CCDC144A: variants seen among roughly 807,000 people sequenced by gnomAD.
CCDC144A encodes coiled-coil domain containing 144A, also known as coiled-coil domain-containing protein 144A.
Under a neutral mutation model 143.8 loss-of-function variants are expected in CCDC144A, and 41 were observed. The ratio of observed to expected loss-of-function variants is 0.29; its 90% CI spans 0.22 to 0.37. CCDC144A has a LOEUF of 0.37. Among genes scored for constraint, CCDC144A ranks in the 10% least tolerant of loss-of-function variants. The pLI, the probability that CCDC144A is intolerant of heterozygous loss-of-function variation, is 1.00. For missense variants in CCDC144A, 637 were observed against 1,488.8 expected (o/e 0.43, Z 9.41); for synonymous variants, 242 against 517.9 (o/e 0.47, Z 7.23).
In CCDC144A at chr17:16,709,011, G is replaced by T. The variant is rs770463419; in HGVS notation, c.954G>T (p.Glu318Asp). The T allele has an allele frequency of 1.9e-6, 3 of 1,611,670 alleles. No homozygotes were observed. The highest frequency in any genetic ancestry group is 1.1e-5 in the South Asian group (1 of 90,976). ...KYKIPACPEEEPLLDNSTRGT... is the reference protein window; with the variant it reads ...KYKIPACPEEDPLLDNSTRGT... ...AAATTCCGGCTTGTCCTGAGGAAGA[G>T]CCACTACTTGATAACTCTACAAGAG... The change falls in exon 5 of 17, where the codon GAG (glutamate) becomes GAT (aspartate). Residue 318 changes from glutamate to aspartate, a missense_variant. Coordinates refer to ENST00000399273, the MANE Select transcript of CCDC144A (RefSeq NM_001382000.1).
intron 12 of CCDC144A, among the ~76,000 whole-genome samples, chr17:16,736,316 T>C (rs1914000127): frequency 6.6e-6 from 1 of 151,288 alleles, no homozygotes; most frequent in Non-Finnish European, 1.5e-5. Flanking sequence ...TTTGCCATGT[T>C]GGCAAGGCTG....
the CCDC144A span, among the ~76,000 whole-genome samples, chr17:16,673,504 A>G: frequency 6.6e-6 from 1 of 151,186 alleles, no homozygotes; most frequent in East Asian, 1.9e-4. Flanking sequence ...CTCCTGCCTC[A>G]GCATCCCGAG....
chr17:16,699,771 T>C (rs369436584), intron 2 of CCDC144A, among the ~76,000 whole-genome samples: 1 of 151,488 alleles, frequency 6.6e-6, no homozygotes, highest in East Asian at 1.9e-4. Flanking sequence ...GTAGAATATA[T>C]TGTCAGTCAT....
At chr17:16,733,328 C>T (rs2143240969) in intron 11 of CCDC144A, among the ~76,000 whole-genome samples, 1 of 142,214 alleles carries the variant, frequency 7.0e-6, no homozygotes, top group South Asian at 2.4e-4. Context: ...GGTGAAACCC[C>T]ATCTCTACTA....
intron 12 of CCDC144A, among the ~76,000 whole-genome samples, chr17:16,756,363 A>C: frequency 6.6e-6 from 1 of 152,106 alleles, no homozygotes; most frequent in East Asian, 1.9e-4. Flanking sequence ...CTTCAAGTTC[A>C]GAAATTCATT....
At chr17:16,673,159 A>G in the CCDC144A span, among the ~76,000 whole-genome samples, 1 of 151,966 alleles carries the variant, frequency 6.6e-6, no homozygotes, top group Non-Finnish European at 1.5e-5. Flanking sequence ...TGAGACTTCA[A>G]TTCTCAGTAA....
chr17:16,756,991 A>G (rs2688003), intron 12 of CCDC144A, among the ~76,000 whole-genome samples: 2 of 152,400 alleles, frequency 1.3e-5, no homozygotes, highest in Non-Finnish European at 2.9e-5. Context: ...ACAGCAGGCC[A>G]GTCCTCAGGC....
At chr17:16,767,538 G>T (rs1482154759) in intron 15 of CCDC144A, among the ~76,000 whole-genome samples, 9 of 148,260 alleles carry the variant, frequency 6.1e-5, no homozygotes, top group Non-Finnish European at 1.3e-4. Context: ...TCTGGGTGGG[G>T]TGGGTTTCTG....
At chr17:16,744,512 G>A (rs1467336302) in intron 12 of CCDC144A, among the ~76,000 whole-genome samples, 1 of 152,022 alleles carries the variant, frequency 6.6e-6, no homozygotes, top group Non-Finnish European at 1.5e-5. Flanking sequence ...GTCTTTTTTG[G>A]AGAAGTGTCT....
At chr17:16,733,941 C>T (rs1305528923) in intron 11 of CCDC144A, among the ~76,000 whole-genome samples, 2 of 151,998 alleles carry the variant, frequency 1.3e-5, no homozygotes, top group African/African-American at 2.4e-5. Flanking sequence ...AGTTCCAGAC[C>T]AGCCTGGGCA....
intron 2 of CCDC144A, among the ~76,000 whole-genome samples, chr17:16,697,775 G>C (rs1401796971): frequency 6.6e-6 from 1 of 151,996 alleles, no homozygotes; most frequent in African/African-American, 2.4e-5. Flanking sequence ...TAAAATAAAC[G>C]TGTCATAGTG....
chr17:16,742,902 G>A lies in CCDC144A; in HGVS notation c.3372+7259G>A, dbSNP rs558475365. ...ATTTAAATTCTTTGTCCACATTTCA[G>A]GGGGGATTATTAACAATTTTTACTG... On this transcript the variant is annotated intron_variant, in intron 12 of 16. Coordinates refer to ENST00000399273, the MANE Select transcript of CCDC144A (RefSeq NM_001382000.1). 3.6e-4 allele frequency among the ~76,000 whole-genome samples: 54 copies of A among 152,058 alleles called. No individual in the cohort carries two copies. The East Asian group carries it at 0.01, about 28-fold the overall frequency.
At chr17:16,767,746 T>C (rs1324386546) in intron 15 of CCDC144A, among the ~76,000 whole-genome samples, 1 of 152,248 alleles carries the variant, frequency 6.6e-6, no homozygotes, top group Non-Finnish European at 1.5e-5. Flanking sequence ...GGTTATAATT[T>C]TGTATGAAAT....
At chr17:16,700,959 T>A (rs1276602654) in intron 2 of CCDC144A, among the ~76,000 whole-genome samples, 1 of 152,178 alleles carries the variant, frequency 6.6e-6, no homozygotes, top group Non-Finnish European at 1.5e-5. Context: ...TAGATCCCTG[T>A]TTACAATTAT....
rs1283156371 is a variant in CCDC144A at position 16,708,177 on chromosome 17, G to A, written c.739-619G>A. Among the ~76,000 whole-genome samples the A allele has an allele frequency of 2.6e-5, 4 of 152,066 alleles. No homozygotes were observed. In the East Asian group the frequency reaches 7.7e-4, roughly 29 times the overall value. Reference sequence around the variant, plus strand: ...TTAAAGTTTTAGTAAGTGTTATTAGGGGACCATAGTATATATTAGAACAGA... The same window carrying A: ...TTAAAGTTTTAGTAAGTGTTATTAGAGGACCATAGTATATATTAGAACAGA... On this transcript the variant is annotated intron_variant, in intron 4 of 16. Coordinates refer to ENST00000399273, the MANE Select transcript of CCDC144A (RefSeq NM_001382000.1).
At chr17:16,679,519 G>C in the CCDC144A span, among the ~76,000 whole-genome samples, 1 of 151,426 alleles carries the variant, frequency 6.6e-6, no homozygotes, top group African/African-American at 2.4e-5. Context: ...CTTTTACACA[G>C]AGGGGCCTTA....
chr17:16,706,793 A>T (rs1415874824), intron 3 of CCDC144A: 1 of 152,166 alleles, frequency 6.6e-6, no homozygotes, highest in African/African-American at 2.4e-5. Context: ...AAGGGAATAG[A>T]CATGTAAAGC....
At chr17:16,688,538 G>C (rs1296188425), upstream of CCDC144A, among the ~76,000 whole-genome samples, 1 of 137,062 alleles carries the variant, frequency 7.3e-6, no homozygotes, top group Non-Finnish European at 1.5e-5. Flanking sequence ...CGCCAGGCTG[G>C]AGTACAGTGG....
intron 2 of CCDC144A, among the ~76,000 whole-genome samples, chr17:16,696,811 GT>G (rs895243647): frequency 3.9e-5 from 6 of 152,054 alleles, no homozygotes; most frequent in African/African-American, 1.4e-4. Flanking sequence ...ATAACACGGT[GT>G]TTTGTTCATG....
Sources: gnomAD v4.1 joint callset for allele counts (sites outside exome capture counted in the v4.1 genomes callset) on GRCh38, gnomAD v4.1.1 for gene constraint, MANE v1.5 for transcripts, NCBI Gene and HGNC (gene_info 2026-07-23, HGNC 2026-07-21) for gene names.